The following HEPHL1 variants were observed in gnomAD, a reference collection of about 807,000 sequenced individuals.
HEPHL1 encodes ferroxidase HEPHL1.
HEPHL1 carries 123 observed loss-of-function variants against 122.0 expected under a neutral mutation model. The observed-to-expected ratio is 1.01, with a 90% CI of 0.87 to 1.17. The LOEUF (loss-of-function observed/expected upper bound fraction) is 1.17, where lower values mean the gene tolerates loss of function less well. HEPHL1 is among the 50% of genes most tolerant of loss of function. The pLI is 0.00. For synonymous variants in HEPHL1, 527 were observed against 508.9 expected, an observed-to-expected ratio of 1.04 and a Z score of -0.48; for missense variants, 1,452 against 1,430.5, an observed-to-expected ratio of 1.01 and a Z score of -0.24.
chr11:94,084,886 T>C (rs1032659984), intron 10 of HEPHL1, among the ~76,000 whole-genome samples: 2 of 152,204 alleles, frequency 1.3e-5, no homozygotes, highest in Non-Finnish European at 2.9e-5. Flanking sequence ...ACCACTGGTT[T>C]TGCAGACACA....
Position 94,111,930 on chromosome 11 carries a change from C to T in HEPHL1, c.*36C>T. On this transcript the variant is annotated 3_prime_UTR_variant, in exon 20 of 20. Transcript: ENST00000315765. ...CTCCCTCAACAGGAAAGGGTGATGT[C>T]CCACAGCTGGCCAGATGGCAGCCAA... The T allele has an allele frequency of 6.9e-7, 1 of 1,445,324 alleles. No homozygotes were observed. The highest frequency in any genetic ancestry group is 9.2e-7 in the Non-Finnish European group (1 of 1,085,870). The allele number at this position is 1,445,324 out of a possible 1,614,324, so 89.5% of individuals were successfully genotyped here. A position where few individuals can be genotyped will look rare whatever the true frequency, so the allele number is the denominator to read the frequency against.
At chr11:94,082,358 C>T in intron 9 of HEPHL1, 60 bp from the exon 10 acceptor site, 1 of 1,299,302 alleles carries the variant, frequency 7.7e-7, no homozygotes, top group Non-Finnish European at 1.1e-6. Context: ...TGAAGGAAAG[C>T]AATTCTGTGA....
intron 2 of HEPHL1, 63 bp from the exon 3 acceptor site, chr11:94,063,445 T>C (rs368484460): frequency 7.7e-7 from 1 of 1,293,172 alleles, no homozygotes; most frequent in African/African-American, 1.5e-5. Context: ...CTCTCTACTA[T>C]AGCATGTGAT....
chr11:94,095,403 T>C (rs1451598295), intron 13 of HEPHL1, among the ~76,000 whole-genome samples: 3 of 152,262 alleles, frequency 2.0e-5, no homozygotes, highest in Non-Finnish European at 4.4e-5. Flanking sequence ...TACAGCCTTG[T>C]AGTACAGTTT....
At chr11:94,037,681 A>T (rs1330455357) in intron 1 of HEPHL1, among the ~76,000 whole-genome samples, 1 of 152,162 alleles carries the variant, frequency 6.6e-6, no homozygotes, top group Non-Finnish European at 1.5e-5. Context: ...AAGGAAAAAT[A>T]ACAAACAGAA....
At position 94,101,241 on chromosome 11, in the gene HEPHL1, T is replaced by G. The variant is rs1377845273; in HGVS notation, c.2481T>G (p.Phe827Leu). The change falls in exon 14 of 20, where the codon TTT becomes TTG. Residue 827 changes from phenylalanine to leucine, a missense_variant. By Grantham distance (22) the Phe-to-Leu change is conservative. Coordinates refer to ENST00000315765, the MANE Select transcript of HEPHL1 (RefSeq NM_001098672.2). ...TGGGCAACACCGTCCTGATCATATT[T>G]AAGAACAAAGCCAGTAGGCCCTACT... ...AEVGNTVLII[F>L]KNKASRPYSI... 3 of 1,614,024 alleles carry G rather than the reference T, an allele frequency of 1.9e-6. No homozygotes were observed. Among genetic ancestry groups the G allele is most frequent in the East Asian group, 4.5e-5 (2 of 44,888 alleles).
intron 1 of HEPHL1, among the ~76,000 whole-genome samples, chr11:94,036,086 C>T (rs376804295): frequency 1.3e-5 from 2 of 152,330 alleles, no homozygotes; most frequent in South Asian, 2.1e-4. Context: ...TTTTATACCA[C>T]CACTGAAATG....
chr11:94,042,878 A>AAAAAAAAAAAAAC (rs1945796819), intron 1 of HEPHL1, among the ~76,000 whole-genome samples: 1 of 126,968 alleles, frequency 7.9e-6, no homozygotes, highest in Non-Finnish European at 1.6e-5. Flanking sequence ...AGTATAATAA[A>AAAAAAAAAAAAAC]AAAAAAAAAA....
chr11:94,030,855 GC>G (rs1350088445), intron 1 of HEPHL1, among the ~76,000 whole-genome samples: 1 of 152,162 alleles, frequency 6.6e-6, no homozygotes, highest in Non-Finnish European at 1.5e-5. Flanking sequence ...CTTAGTGGAT[GC>G]TTGGATACAA....
At chr11:94,049,283 G>A (rs1945868712) in intron 2 of HEPHL1, among the ~76,000 whole-genome samples, 1 of 149,910 alleles carries the variant, frequency 6.7e-6, no homozygotes, top group African/African-American at 2.5e-5. Flanking sequence ...TCTTACCCCA[G>A]CTAAAATGGC....
In HEPHL1 at chr11:94,082,371, T is replaced by C. The variant is rs186352378; in HGVS notation, c.1717-47T>C. ...TTTGAAGGAAAGCAATTCTGTGAAT[T>C]CCTCCAAGCTGTACCTTTTATGTAT... On this transcript the variant is annotated intron_variant, in intron 9 of 19. Transcript: ENST00000315765. 325 of 1,433,782 alleles carry C rather than the reference T, an allele frequency of 2.3e-4. 6 individuals carry two copies. The Admixed American group carries it at 6.7e-3, about 30-fold the overall frequency. The allele number at this position is 1,433,782 out of a possible 1,614,324, so 88.8% of individuals were successfully genotyped here.
chr11:94,082,435 GT>G lies in HEPHL1; in HGVS notation c.1738del (p.Tyr580ThrfsTer11). 3 of 1,611,136 alleles carry G rather than the reference GT, an allele frequency of 1.9e-6. No individual in the cohort carries two copies. The South Asian group carries it at 3.3e-5, about 18-fold the overall frequency. On this transcript the variant is annotated frameshift_variant, in exon 10 of 20. Coordinates refer to ENST00000315765, the MANE Select transcript of HEPHL1 (RefSeq NM_001098672.2). LOFTEE classifies it high-confidence loss of function. ...DGTQKGIDKE[F>X]YLLFTVFDEN... ...CTCTGTAGAAAGGAATAGACAAGGA[GT>G]TTTACCTACTGTTCACAGTCTTTGA... is the stretch of plus-strand genomic sequence containing the variant.
chr11:94,082,653 A>G lies in HEPHL1; in HGVS notation c.1867+85A>G. The G allele has an allele frequency of 3.0e-6, 4 of 1,344,158 alleles. No homozygotes were observed. In the East Asian group the frequency reaches 9.6e-5, roughly 32 times the overall value. 83.3% of individuals were successfully genotyped at this position (1,344,158 alleles called of 1,614,324 possible). A position where few individuals can be genotyped will look rare whatever the true frequency, so the allele number is the denominator to read the frequency against. ...TGATTGGTGTGTTTGAATTATATTA[A>G]TTTTGGTTTCTTGGATATTGTTCTT... is the stretch of plus-strand genomic sequence containing the variant. On this transcript the variant is annotated intron_variant, in intron 10 of 19. Coordinates refer to ENST00000315765, the MANE Select transcript of HEPHL1 (RefSeq NM_001098672.2).
chr11:94,049,414 C>T (rs1050951382), intron 2 of HEPHL1, among the ~76,000 whole-genome samples: 6 of 151,924 alleles, frequency 3.9e-5, no homozygotes, highest in African/African-American at 1.5e-4. Flanking sequence ...TAAATTAGTA[C>T]AGCCACTACG....
In HEPHL1 at chr11:94,088,748, C is replaced by G; in HGVS notation, c.2081-7C>G. The G allele has an allele frequency of 6.2e-7, 1 of 1,609,630 alleles. No individual in the cohort carries two copies. The highest frequency in any genetic ancestry group is 8.5e-7 in the Non-Finnish European group (1 of 1,177,146). Reference sequence around the variant, plus strand: ...CCACACTCAATGCCGAGCCATTTCTCTTGCAGGTATTTTTAGGGTGTTTTG... The same window carrying G: ...CCACACTCAATGCCGAGCCATTTCTGTTGCAGGTATTTTTAGGGTGTTTTG... On this transcript the variant is annotated splice_polypyrimidine_tract_variant and splice_region_variant and intron_variant, in intron 11 of 19. Transcript: ENST00000315765.
Position 94,110,893 on chromosome 11 carries a change from G to T in HEPHL1, c.3046-10G>T. On this transcript the variant is annotated splice_polypyrimidine_tract_variant and intron_variant, in intron 17 of 19. Transcript: ENST00000315765. ...GCTACTAGCTGTTGTTTTTTAAAAC[G>T]TTTTTGCAGATAGATAAATCTTACC... 6.2e-7 allele frequency: 1 copy of T among 1,605,338 alleles called. No homozygotes were observed.
chr11:94,063,662 C>G lies in HEPHL1; in HGVS notation c.570C>G (p.Ile190Met). The G allele has an allele frequency of 1.2e-6, 2 of 1,613,832 alleles. No homozygotes were observed. The highest frequency in any genetic ancestry group is 1.1e-5 in the South Asian group (1 of 91,076). Reference sequence around the variant, plus strand: ...TGACCTGGGTGTACCATTCGCACATCGACGCCCCAAAGGACATCTGCTCTG... The same window carrying G: ...TGACCTGGGTGTACCATTCGCACATGGACGCCCCAAAGGACATCTGCTCTG... ...NCLTWVYHSH[I>M]DAPKDICSGL... Residue 190 changes from isoleucine (I) to methionine (M), a missense_variant, in exon 3 of 20, where the codon ATC (isoleucine) becomes ATG (methionine). Physicochemically the swap from Ile to Met is conservative, Grantham distance 10. Transcript: ENST00000315765.
chr11:94,071,839 A>G (rs1276099539), intron 6 of HEPHL1, among the ~76,000 whole-genome samples: 1 of 152,086 alleles, frequency 6.6e-6, no homozygotes, highest in African/African-American at 2.4e-5. Flanking sequence ...TTAACTGAAT[A>G]GGGAAGAGAG....
At position 94,102,938 on chromosome 11, in the gene HEPHL1, A is replaced by C. The variant is rs781178023; in HGVS notation, c.2600A>C (p.Asn867Thr). ...GGAGAAGTAAAAACTTATAGATGGAATATCCCTAAAAGATCCGGTCCAGGG... is the reference window on the plus strand; with the variant it reads ...GGAGAAGTAAAAACTTATAGATGGACTATCCCTAAAAGATCCGGTCCAGGG... ...KPGEVKTYRW[N>T]IPKRSGPGPS... Residue 867 changes from asparagine to threonine, a missense_variant, in exon 15 of 20, where the codon AAT becomes ACT. Physicochemically the swap from Asn to Thr is moderately conservative, Grantham distance 65 (BLOSUM62 0). Coordinates refer to ENST00000315765, the MANE Select transcript of HEPHL1 (RefSeq NM_001098672.2). 1 of 1,596,292 alleles carries C rather than the reference A, an allele frequency of 6.3e-7. No individual in the cohort carries two copies. Among genetic ancestry groups the C allele is most frequent in the Non-Finnish European group, 8.6e-7 (1 of 1,164,198 alleles).
Sources: allele counts gnomAD v4.1 joint callset (sites outside exome capture counted in the v4.1 genomes callset), GRCh38; gene constraint gnomAD v4.1.1; transcripts MANE v1.5; gene names NCBI Gene and HGNC (gene_info 2026-07-23, HGNC 2026-07-21).